RAB3GAP1: variants seen among roughly 807,000 people sequenced by gnomAD.
RAB3GAP1 encodes RAB3 GTPase activating protein catalytic subunit 1.
In RAB3GAP1, 86 loss-of-function variants were observed where a neutral mutation model predicts 130.7. The ratio of observed to expected loss-of-function variants is 0.66; its 90% CI spans 0.55 to 0.79. RAB3GAP1 has a LOEUF of 0.79. Among genes scored for constraint, RAB3GAP1 ranks in the 30% least tolerant of loss-of-function variants. The pLI is 0.00. For missense variants in RAB3GAP1, 1,029 were observed against 1,169.4 expected, an observed-to-expected ratio of 0.88 and a Z score of 1.75; for synonymous variants, 367 against 401.7, an observed-to-expected ratio of 0.91 and a Z score of 1.03.
chr2:135,132,825 A>G (rs1691585033), intron 13 of RAB3GAP1, 70 bp from the exon 14 acceptor site: 2 of 896,962 alleles, frequency 2.2e-6, no homozygotes, highest in East Asian at 2.4e-5. Flanking sequence ...TAATGTCTAT[A>G]TGAGTTATAA....
chr2:135,133,815 A>G (rs1306884538), intron 14 of RAB3GAP1, 46 bp from the exon 15 acceptor site: 2 of 1,557,556 alleles, frequency 1.3e-6, no homozygotes, highest in East Asian at 4.5e-5. Flanking sequence ...TATGTGTAAA[A>G]TATTTTGGTA....
At chr2:135,128,028 AT>A (rs1201897005) in intron 11 of RAB3GAP1, among the ~76,000 whole-genome samples, 3 of 152,146 alleles carry the variant, frequency 2.0e-5, no homozygotes, top group African/African-American at 7.2e-5. Context: ...ATATATTACC[AT>A]TTAACTGATG....
intron 17 of RAB3GAP1, among the ~76,000 whole-genome samples, chr2:135,149,754 C>T (rs1456154138): frequency 1.3e-5 from 2 of 152,152 alleles, no homozygotes; most frequent in East Asian, 1.9e-4. Flanking sequence ...CCTGGGTTCA[C>T]GCCATTCTCT....
intron 3 of RAB3GAP1, among the ~76,000 whole-genome samples, chr2:135,082,480 G>A (rs1034827879): frequency 4.9e-5 from 7 of 143,670 alleles, no homozygotes; most frequent in Middle Eastern, 3.7e-3. Flanking sequence ...TTGCTCTGTC[G>A]CCCAGGCTGG....
In RAB3GAP1 at chr2:135,058,793, A is replaced by ATGC. The variant is rs1313774540; in HGVS notation, c.150+709_150+711dup. ...ACAATTTGATTTTAAGTTTATGTAG[A>ATGC]TGCTTAGTTTGTTAGATAAATTCTT... is the stretch of plus-strand genomic sequence containing the variant. On this transcript the variant is annotated intron_variant, in intron 3 of 23. Coordinates refer to ENST00000264158, the MANE Select transcript of RAB3GAP1 (RefSeq NM_012233.3). 4 of 152,158 alleles carry ATGC rather than the reference A, an allele frequency of 2.6e-5. No homozygotes were observed. The East Asian group carries it at 7.7e-4, about 29-fold the overall frequency. 9.4% of individuals were successfully genotyped at this position (152,158 alleles called of 1,614,324 possible).
chr2:135,139,747 C>T (rs1278236872), intron 17 of RAB3GAP1, among the ~76,000 whole-genome samples: 1 of 152,012 alleles, frequency 6.6e-6, no homozygotes, highest in African/African-American at 2.4e-5. Context: ...ATACAATAGC[C>T]ATTATCCAAA....
chr2:135,135,148 A>C (rs539316587), intron 15 of RAB3GAP1, 117 bp from the exon 16 acceptor site: 12 of 826,126 alleles, frequency 1.5e-5, no homozygotes, highest in Middle Eastern at 3.4e-4. Flanking sequence ...TACCTGTGGA[A>C]ATCTAGTTTT....
intron 3 of RAB3GAP1, among the ~76,000 whole-genome samples, chr2:135,063,733 C>A (rs1689241382): frequency 6.6e-6 from 1 of 152,108 alleles, no homozygotes; most frequent in Admixed American, 6.5e-5. Context: ...TTGATGGACA[C>A]TTGGGTCGCT....
intron 3 of RAB3GAP1, among the ~76,000 whole-genome samples, chr2:135,083,003 A>C (rs1689871431): frequency 6.6e-6 from 1 of 152,182 alleles, no homozygotes; most frequent in African/African-American, 2.4e-5. Flanking sequence ...TACCTAGTAC[A>C]ATGTAAATGT....
In RAB3GAP1 at chr2:135,052,622, C is replaced by A. The variant is rs967617788; in HGVS notation, c.74+137C>A. 6 of 1,033,156 alleles carry A rather than the reference C, an allele frequency of 5.8e-6. No homozygotes were observed. The Admixed American group carries it at 7.9e-5, about 14-fold the overall frequency. 64.0% of individuals were successfully genotyped at this position (1,033,156 alleles called of 1,614,324 possible). On this transcript the variant is annotated intron_variant, in intron 2 of 23. Coordinates refer to ENST00000264158, the MANE Select transcript of RAB3GAP1 (RefSeq NM_012233.3). ...ACCGTGGGTCCCGGGTCTCCTCCCCCAGTCTTCTTTGGTCAACCGCAAGCC... is the reference window on the plus strand; with the variant it reads ...ACCGTGGGTCCCGGGTCTCCTCCCCAAGTCTTCTTTGGTCAACCGCAAGCC...
Position 135,106,146 on chromosome 2 carries a change from G to C in RAB3GAP1, c.363-7005G>C, listed in dbSNP as rs574892961. On this transcript the variant is annotated intron_variant, in intron 5 of 23. Coordinates refer to ENST00000264158, the MANE Select transcript of RAB3GAP1 (RefSeq NM_012233.3). Reference sequence around the variant, plus strand: ...CCGCCCCGTCCAGGAGGTGGGGGGTGCCTCCGTCCGGCCGCCGCCCCGTCC... The same window carrying C: ...CCGCCCCGTCCAGGAGGTGGGGGGTCCCTCCGTCCGGCCGCCGCCCCGTCC... 5.0e-4 allele frequency among the ~76,000 whole-genome samples: 75 copies of C among 150,258 alleles called. 1 individual carries two copies. In the East Asian group the frequency reaches 0.015, roughly 30 times the overall value.
intron 7 of RAB3GAP1, among the ~76,000 whole-genome samples, chr2:135,117,444 TCTTCTTCTTCTG>T (rs1350096166): frequency 0.021 from 2,276 of 107,564 alleles, 43 homozygotes; most frequent in South Asian, 0.083. Flanking sequence ...TTCTTCTTCT[TCTTCTTCTTCTG>T]CTTCTGCTTC....
intron 17 of RAB3GAP1, among the ~76,000 whole-genome samples, chr2:135,149,723 G>A (rs181595971): frequency 2.0e-5 from 3 of 152,098 alleles, no homozygotes; most frequent in African/African-American, 4.8e-5. Flanking sequence ...GCTCGATCTC[G>A]GCTTGCAGCA....
chr2:135,065,536 A>G lies in RAB3GAP1; in HGVS notation c.150+7450A>G, dbSNP rs148175090. Among the ~76,000 whole-genome samples, 6 of 152,338 alleles carry G rather than the reference A, an allele frequency of 3.9e-5. No individual in the cohort carries two copies. In the East Asian group the frequency reaches 9.6e-4, roughly 24 times the overall value. ...TAATATTTTTGTTCCAGAAAATGTC[A>G]TTAGAACTTATATGTTAAAATATAA... On this transcript the variant is annotated intron_variant, in intron 3 of 23. Transcript: ENST00000264158.
chr2:135,099,435 G>C (rs1474788259), intron 5 of RAB3GAP1, among the ~76,000 whole-genome samples: 2 of 91,448 alleles, frequency 2.2e-5, no homozygotes, highest in African/African-American at 1.1e-4. Flanking sequence ...GTATTTCTGT[G>C]TGTGTGTGTG....
At chr2:135,123,796 G>T (rs1427580059) in intron 8 of RAB3GAP1, among the ~76,000 whole-genome samples, 3 of 152,098 alleles carry the variant, frequency 2.0e-5, no homozygotes, top group Non-Finnish European at 4.4e-5. Flanking sequence ...TGTAGTTGGT[G>T]ATTTTTAAAT....
intron 12 of RAB3GAP1, 25 bp from the exon 13 acceptor site, chr2:135,130,527 A>C (rs774533535): frequency 6.3e-7 from 1 of 1,586,168 alleles, no homozygotes; most frequent in South Asian, 1.1e-5. Flanking sequence ...GATATAATTT[A>C]TATTTATTTC....
intron 15 of RAB3GAP1, 88 bp from the exon 16 acceptor site, chr2:135,135,177 C>T: frequency 9.5e-7 from 1 of 1,058,018 alleles, no homozygotes; most frequent in Non-Finnish European, 1.5e-6. Flanking sequence ...ATCAATATAG[C>T]TAAAAATTAT....
At chr2:135,148,491 C>CTTTTTTT (rs571757000) in intron 17 of RAB3GAP1, among the ~76,000 whole-genome samples, 2 of 108,122 alleles carry the variant, frequency 1.8e-5, no homozygotes, top group Non-Finnish European at 1.8e-5. Context: ...GCTAGTAATT[C>CTTTTTTT]TTTTTTTTTT....
Sources: gnomAD v4.1 joint callset for allele counts (sites outside exome capture counted in the v4.1 genomes callset) on GRCh38, gnomAD v4.1.1 for gene constraint, MANE v1.5 for transcripts, NCBI Gene and HGNC (gene_info 2026-07-23, HGNC 2026-07-21) for gene names.